The following PDLIM5 variants were observed in gnomAD, a reference collection of about 807,000 sequenced individuals.
PDLIM5 encodes the protein PDZ and LIM domain 5.
In PDLIM5, 34 loss-of-function variants were observed where a neutral mutation model predicts 64.2. That is an observed-to-expected ratio of 0.53 (90% CI 0.40 to 0.71). The LOEUF (loss-of-function observed/expected upper bound fraction) is 0.71, where lower values mean the gene tolerates loss of function less well. Among genes scored for constraint, PDLIM5 ranks in the 30% least tolerant of loss-of-function variants. The pLI is 0.00. For synonymous variants in PDLIM5, 253 were observed against 269.1 expected, an observed-to-expected ratio of 0.94 and a Z score of 0.59; for missense variants, 683 against 733.6, an observed-to-expected ratio of 0.93 and a Z score of 0.80.
intron 3 of PDLIM5, among the ~76,000 whole-genome samples, chr4:94,566,651 A>G (rs1401973822): frequency 1.3e-5 from 2 of 152,150 alleles, no homozygotes; most frequent in African/African-American, 2.4e-5. Flanking sequence ...TTATTCAGCT[A>G]TTTGTTCTAT....
In PDLIM5 at chr4:94,523,825, C is replaced by T. The variant is rs1242776548; in HGVS notation, c.198C>T (p.Ala66=). The T allele has an allele frequency of 6.2e-7, 1 of 1,612,910 alleles. No homozygotes were observed. Among genetic ancestry groups the T allele is most frequent in the East Asian group, 2.2e-5 (1 of 44,832 alleles). Residue 66 remains alanine, a synonymous_variant, in exon 3 of 13, where the codon GCC becomes GCT. Coordinates refer to ENST00000317968, the MANE Select transcript of PDLIM5 (RefSeq NM_006457.5). ...INAQGMTHLE[A]QNKIKGCTGS... is the part of the protein sequence containing the mutation. Reference sequence around the variant, plus strand: ...CACAAGGAATGACTCATCTTGAAGCCCAGAATAAGATTAAGGGTTGTACAG... The same window carrying T: ...CACAAGGAATGACTCATCTTGAAGCTCAGAATAAGATTAAGGGTTGTACAG...
chr4:94,636,979 T>A (rs1486070604), intron 8 of PDLIM5, among the ~76,000 whole-genome samples: 4 of 152,000 alleles, frequency 2.6e-5, no homozygotes, highest in Non-Finnish European at 5.9e-5. Flanking sequence ...AAATGAAACT[T>A]CTATGGGCTT....
At chr4:94,650,947 A>T (rs577908729) in intron 9 of PDLIM5, among the ~76,000 whole-genome samples, 1 of 152,260 alleles carries the variant, frequency 6.6e-6, no homozygotes, top group South Asian at 2.1e-4. Context: ...GTCAACATGT[A>T]CTTAGTAAGG....
At chr4:94,592,935 A>AC (rs1736781260) in intron 7 of PDLIM5, among the ~76,000 whole-genome samples, 1 of 151,920 alleles carries the variant, frequency 6.6e-6, no homozygotes, top group Admixed American at 6.6e-5. Context: ...TCCTTCCCAC[A>AC]ATCATACATT....
chr4:94,576,108 C>A, intron 5 of PDLIM5, 74 bp downstream of exon 5: 1 of 1,327,322 alleles, frequency 7.5e-7, no homozygotes, highest in Non-Finnish European at 1.0e-6. Context: ...ACTCTACATT[C>A]CTCTCCCCCA....
intron 3 of PDLIM5, among the ~76,000 whole-genome samples, chr4:94,540,370 G>A (rs1046850366): frequency 2.0e-5 from 3 of 152,202 alleles, no homozygotes; most frequent in South Asian, 2.1e-4. Context: ...CGCCCGCCTC[G>A]GCCTCCCGAA....
At chr4:94,640,242 A>T in intron 8 of PDLIM5, 34 bp from the exon 9 acceptor site, 1 of 1,253,792 alleles carries the variant, frequency 8.0e-7, no homozygotes, top group Non-Finnish European at 1.1e-6. Flanking sequence ...TATGTGGCTT[A>T]TTCTCATTCT....
chr4:94,471,986 A>T (rs977122324), intron 2 of PDLIM5, among the ~76,000 whole-genome samples: 2 of 152,206 alleles, frequency 1.3e-5, no homozygotes, highest in African/African-American at 4.8e-5. Context: ...TAAAGACCTT[A>T]TAAGTATTTA....
At position 94,455,322 on chromosome 4, in the gene PDLIM5, G is replaced by C. The variant is rs1216849309; in HGVS notation, c.34G>C (p.Ala12Pro). 2 of 1,613,586 alleles carry C rather than the reference G, an allele frequency of 1.2e-6. No individual in the cohort carries two copies. The highest frequency in any genetic ancestry group is 1.1e-5 in the South Asian group (1 of 91,068). ...CTACAGTGTGTCACTGGTTGGCCCA[G>C]CTCCTTGGGGTTTCCGGCTGCAGGG... ...SNYSVSLVGP[A>P]PWGFRLQGGK... Residue 12 changes from alanine to proline, a missense_variant, in exon 2 of 13, where the codon GCT becomes CCT. Ala to Pro is a conservative substitution (Grantham distance 27). Coordinates refer to ENST00000317968, the MANE Select transcript of PDLIM5 (RefSeq NM_006457.5).
intron 3 of PDLIM5, among the ~76,000 whole-genome samples, chr4:94,543,315 T>C (rs994083013): frequency 6.6e-6 from 1 of 152,082 alleles, no homozygotes; most frequent in Non-Finnish European, 1.5e-5. Context: ...ATTTTTTAAA[T>C]TTATGAATAA....
intron 2 of PDLIM5, among the ~76,000 whole-genome samples, chr4:94,494,813 A>G (rs968155829): frequency 1.3e-5 from 2 of 151,182 alleles, no homozygotes; most frequent in African/African-American, 4.9e-5. Flanking sequence ...CAATGGTGCA[A>G]TCTCGGCTCA....
intron 6 of PDLIM5, among the ~76,000 whole-genome samples, chr4:94,586,083 T>A (rs926192239): frequency 1.3e-5 from 2 of 152,086 alleles, no homozygotes; most frequent in Non-Finnish European, 2.9e-5. Context: ...GGCAGGAGAA[T>A]CATTTGAACC....
chr4:94,524,948 T>C (rs1258932240), intron 3 of PDLIM5, among the ~76,000 whole-genome samples: 4 of 152,192 alleles, frequency 2.6e-5, no homozygotes, highest in African/African-American at 9.7e-5. Flanking sequence ...CTTGATCATA[T>C]ACGAGGTAGT....
rs932556319 is a variant in PDLIM5 at position 94,586,394 on chromosome 4, T to C, written c.884-14T>C. 1.4e-6 allele frequency: 2 copies of C among 1,414,344 alleles called. No homozygotes were observed. Among genetic ancestry groups the C allele is most frequent in the South Asian group, 2.4e-5 (2 of 84,778 alleles). The allele number at this position is 1,414,344 out of a possible 1,614,324, so 87.6% of individuals were successfully genotyped here. A position where few individuals can be genotyped will look rare whatever the true frequency, so the allele number is the denominator to read the frequency against. On this transcript the variant is annotated splice_polypyrimidine_tract_variant and intron_variant, in intron 6 of 12. Coordinates refer to ENST00000317968, the MANE Select transcript of PDLIM5 (RefSeq NM_006457.5). ...AAAACAAACTAATATTGGATATTGC[T>C]TATTATATTTCAGTGAAAGAATCTG...
At chr4:94,486,220 T>C (rs1726324093) in intron 2 of PDLIM5, among the ~76,000 whole-genome samples, 1 of 152,194 alleles carries the variant, frequency 6.6e-6, no homozygotes, top group South Asian at 2.1e-4. Context: ...TATTTGGAGA[T>C]ATAACCAAAT....
chr4:94,536,279 T>C lies in PDLIM5; in HGVS notation c.248+12404T>C, dbSNP rs528112288. Among the ~76,000 whole-genome samples the C allele has an allele frequency of 5.9e-5, 9 of 152,254 alleles. No individual in the cohort carries two copies. In the South Asian group the frequency reaches 1.7e-3, roughly 28 times the overall value. On this transcript the variant is annotated intron_variant, in intron 3 of 12. Transcript: ENST00000317968. ...CCGGAAGACAGCTGAAGGAGTAACA[T>C]GAGAAGATTCTCCTGGCCACATCTG... is the stretch of plus-strand genomic sequence containing the variant.
At chr4:94,603,313 C>G (rs950428920) in intron 7 of PDLIM5, among the ~76,000 whole-genome samples, 2 of 152,172 alleles carry the variant, frequency 1.3e-5, no homozygotes, top group Admixed American at 6.5e-5. Context: ...AACACAGGGG[C>G]TGGAAGGGGC....
chr4:94,494,310 C>A (rs1445129314), intron 2 of PDLIM5, among the ~76,000 whole-genome samples: 1 of 151,830 alleles, frequency 6.6e-6, no homozygotes, highest in East Asian at 1.9e-4. Flanking sequence ...TGCATGTATA[C>A]CTTGAAATTT....
chr4:94,632,721 A>C (rs1236853040), intron 8 of PDLIM5, among the ~76,000 whole-genome samples: 1 of 152,212 alleles, frequency 6.6e-6, no homozygotes, highest in East Asian at 1.9e-4. Context: ...GGGTCTTCAA[A>C]AGTGGAAGAG....
Sources: allele counts gnomAD v4.1 joint callset (sites outside exome capture counted in the v4.1 genomes callset), GRCh38; gene constraint gnomAD v4.1.1; transcripts MANE v1.5; gene names NCBI Gene and HGNC (gene_info 2026-07-23, HGNC 2026-07-21).